GPC3: variants seen among roughly 807,000 people sequenced by gnomAD.
GPC3 encodes glypican 3, also known as glypican-3.
In GPC3, 3 loss-of-function variants were observed where a neutral mutation model predicts 34.4. The ratio of observed to expected loss-of-function variants is 0.09; its 90% CI spans 0.04 to 0.23. The LOEUF is 0.23. GPC3 is among the 10% of genes least tolerant of loss of function. The pLI is 1.00. For missense variants in GPC3, 351 were observed against 445.6 expected, an observed-to-expected ratio of 0.79 and a Z score of 1.91; for synonymous variants, 177 against 174.0, an observed-to-expected ratio of 1.02 and a Z score of -0.13.
chrX:133,828,457 C>G (rs2075760009), intron 2 of GPC3, among the ~76,000 whole-genome samples: 1 of 111,914 alleles, frequency 8.9e-6, no homozygotes, highest in South Asian at 3.7e-4. Context: ...TGTGCCTGGC[C>G]TGAAACGATC....
chrX:133,671,746 G>C (rs780678020), intron 5 of GPC3, among the ~76,000 whole-genome samples: 1 of 110,745 alleles, frequency 9.0e-6, no homozygotes, highest in South Asian at 3.9e-4. Flanking sequence ...ATATTGGTTT[G>C]CTGCACCCAT....
intron 2 of GPC3, among the ~76,000 whole-genome samples, chrX:133,866,444 T>C (rs1227558340): frequency 2.7e-5 from 3 of 111,747 alleles, no homozygotes; most frequent in Non-Finnish European, 5.6e-5. Context: ...ATTTTGAAGG[T>C]GAAAAATGAG....
intron 2 of GPC3, 48 bp from the exon 3 acceptor site, chrX:133,754,224 G>T: frequency 1.1e-6 from 1 of 951,733 alleles, no homozygotes; most frequent in Non-Finnish European, 1.5e-6. Context: ...ACAAATTAAA[G>T]CATGAAAATC....
intron 6 of GPC3, among the ~76,000 whole-genome samples, chrX:133,639,751 A>C (rs1180039159): frequency 8.9e-6 from 1 of 112,029 alleles, no homozygotes. Context: ...TTTGCAGACC[A>C]TTAAGAATGA....
intron 2 of GPC3, among the ~76,000 whole-genome samples, chrX:133,839,482 C>G (rs1356819148): frequency 9.0e-6 from 1 of 111,299 alleles, no homozygotes; most frequent in Non-Finnish European, 1.9e-5. Flanking sequence ...GTCAATTATA[C>G]CTCAATAAAG....
intron 2 of GPC3, among the ~76,000 whole-genome samples, chrX:133,868,659 T>G (rs2124573385): frequency 8.9e-6 from 1 of 111,995 alleles, no homozygotes; most frequent in South Asian, 3.8e-4. Flanking sequence ...GAGGATGACT[T>G]CCATCCAGAA....
intron 2 of GPC3, among the ~76,000 whole-genome samples, chrX:133,921,341 T>C (rs1293949180): frequency 8.9e-6 from 1 of 111,748 alleles, no homozygotes; most frequent in Admixed American, 9.5e-5. Context: ...TCCACTCATC[T>C]TAAACAAGGG....
At chrX:133,540,678 A>G (rs2069332319) in intron 7 of GPC3, among the ~76,000 whole-genome samples, 1 of 111,513 alleles carries the variant, frequency 9.0e-6, no homozygotes, top group Non-Finnish European at 1.9e-5. Flanking sequence ...ACTAAATAAC[A>G]TCTGTACCCA....
At position 133,834,462 on chromosome X, in the gene GPC3, G is replaced by A. The variant is rs1482946676; in HGVS notation, c.338-80286C>T. 4.5e-5 allele frequency among the ~76,000 whole-genome samples: 5 copies of A among 111,797 alleles called. No individual in the cohort carries two copies. The East Asian group carries it at 1.4e-3, about 31-fold the overall frequency. On this transcript the variant is annotated intron_variant, in intron 2 of 7. Coordinates refer to ENST00000370818, the MANE Select transcript of GPC3 (RefSeq NM_004484.4). Reference sequence around the variant, plus strand: ...AAATTTTATCGAACACCTACTCAAAGTGTATGGATAAACCTAGACCCTGGG... The same window carrying A: ...AAATTTTATCGAACACCTACTCAAAATGTATGGATAAACCTAGACCCTGGG...
intron 2 of GPC3, among the ~76,000 whole-genome samples, chrX:133,844,946 C>A (rs1193594503): frequency 9.0e-6 from 1 of 111,485 alleles, no homozygotes; most frequent in Non-Finnish European, 1.9e-5. Flanking sequence ...AGAAAAAATA[C>A]CTAATCCAGG....
intron 6 of GPC3, among the ~76,000 whole-genome samples, chrX:133,603,918 T>C (rs2070016881): frequency 9.0e-6 from 1 of 111,631 alleles, no homozygotes; most frequent in Non-Finnish European, 1.9e-5. Flanking sequence ...CGGAGAGGGA[T>C]CAAATATGTT....
Position 133,683,367 on chromosome X carries a change from G to T in GPC3, c.1292+9002C>A, listed in dbSNP as rs192272005. 4.8e-4 allele frequency among the ~76,000 whole-genome samples: 54 copies of T among 112,138 alleles called. No individual in the cohort carries two copies. In the East Asian group the frequency reaches 0.015, roughly 31 times the overall value. ...CTAAGCCTTCCAGGCTAAAATAGAA[G>T]ATTTCTGATTCATGGAGCAGTGATA... On this transcript the variant is annotated intron_variant, in intron 5 of 7. Transcript: ENST00000370818.
At chrX:133,698,593 ATAC>A (rs1212246244) in intron 4 of GPC3, among the ~76,000 whole-genome samples, 1 of 112,150 alleles carries the variant, frequency 8.9e-6, no homozygotes, top group Non-Finnish European at 1.9e-5. Flanking sequence ...CACAGACTGA[ATAC>A]TACAATAGGG....
At chrX:133,714,429 T>C (rs150768268) in intron 3 of GPC3, among the ~76,000 whole-genome samples, 1 of 111,232 alleles carries the variant, frequency 9.0e-6, no homozygotes, top group Non-Finnish European at 1.9e-5. Context: ...ATATTCCTAG[T>C]TTTAATGTCT....
At chrX:133,649,601 C>T (rs2070577045) in intron 6 of GPC3, among the ~76,000 whole-genome samples, 1 of 111,514 alleles carries the variant, frequency 9.0e-6, no homozygotes, top group Non-Finnish European at 1.9e-5. Context: ...TACCCTTATC[C>T]TATATTTGTG....
At position 133,571,324 on chromosome X, in the gene GPC3, G is replaced by A. The variant is rs146805700; in HGVS notation, c.1573+25116C>T. Reference sequence around the variant, plus strand: ...CTCACACTCAGCCATTGTGCTCTGCGCATTTAGGTTGGCTACTTTTTTTGG... The same window carrying A: ...CTCACACTCAGCCATTGTGCTCTGCACATTTAGGTTGGCTACTTTTTTTGG... On this transcript the variant is annotated intron_variant, in intron 7 of 7. Coordinates refer to ENST00000370818, the MANE Select transcript of GPC3 (RefSeq NM_004484.4). Among the ~76,000 whole-genome samples the A allele has an allele frequency of 2.2e-3, 249 of 111,765 alleles. 1 individual carries two copies. The highest frequency in any genetic ancestry group is 7.4e-3 in the African/African-American group (228 of 30,780).
At chrX:133,620,739 T>A (rs766284804) in intron 6 of GPC3, among the ~76,000 whole-genome samples, 2 of 111,726 alleles carry the variant, frequency 1.8e-5, no homozygotes, top group African/African-American at 3.3e-5. Flanking sequence ...GGAGGCTTCA[T>A]CTGCACAATA....
chrX:133,788,088 T>TTATATATATATATATATATATATATA (rs56318773), intron 2 of GPC3, among the ~76,000 whole-genome samples: 2 of 64,939 alleles, frequency 3.1e-5, no homozygotes, highest in Non-Finnish European at 5.2e-5. Context: ...TCATATTATT[T>TTATATATATATATATATATATATATA]TATATATATA....
chrX:133,875,066 T>C (rs2076009495), intron 2 of GPC3, among the ~76,000 whole-genome samples: 1 of 112,159 alleles, frequency 8.9e-6, no homozygotes, highest in South Asian at 3.7e-4. Context: ...GATCAATGAC[T>C]TTTACTTCCA....
Sources: allele counts gnomAD v4.1 joint callset (sites outside exome capture counted in the v4.1 genomes callset), GRCh38; gene constraint gnomAD v4.1.1; transcripts MANE v1.5; gene names NCBI Gene and HGNC (gene_info 2026-07-23, HGNC 2026-07-21).